Variants in DYNC1I1 observed in about 807,000 individuals in gnomAD.
DYNC1I1 encodes cytoplasmic dynein 1 intermediate chain 1.
A neutral mutation model predicts 86.6 loss-of-function variants in DYNC1I1; 43 were observed. The ratio of observed to expected loss-of-function variants is 0.50; its 90% CI spans 0.39 to 0.64. The LOEUF (loss-of-function observed/expected upper bound fraction) is 0.64. DYNC1I1 is among the 30% of genes least tolerant of loss of function. The pLI is 0.00. For synonymous variants in DYNC1I1, 262 were observed against 283.7 expected, an observed-to-expected ratio of 0.92 and a Z score of 0.77; for missense variants, 604 against 788.8, an observed-to-expected ratio of 0.77 and a Z score of 2.81.
At chr7:95,894,969 T>C (rs1165035980) in intron 6 of DYNC1I1, among the ~76,000 whole-genome samples, 1 of 152,220 alleles carries the variant, frequency 6.6e-6, no homozygotes, top group African/African-American at 2.4e-5. Flanking sequence ...GCCTTTTCTG[T>C]TGACCAATGC....
chr7:95,888,341 G>A (rs930052416), intron 6 of DYNC1I1, among the ~76,000 whole-genome samples: 4 of 152,172 alleles, frequency 2.6e-5, no homozygotes, highest in African/African-American at 7.2e-5. Flanking sequence ...GGAGGCTGAG[G>A]TGGGAGGATC....
intron 6 of DYNC1I1, among the ~76,000 whole-genome samples, chr7:95,885,951 A>T (rs1006312626): frequency 4.6e-5 from 7 of 152,232 alleles, no homozygotes; most frequent in Non-Finnish European, 1.0e-4. Context: ...CTCTCTGAAG[A>T]AAAAATAAAC....
intron 1 of DYNC1I1, among the ~76,000 whole-genome samples, chr7:95,792,596 G>A (rs901701743): frequency 6.6e-6 from 1 of 152,164 alleles, no homozygotes; most frequent in African/African-American, 2.4e-5. Context: ...AAGCATTCAG[G>A]TTTAACTGTT....
intron 16 of DYNC1I1, among the ~76,000 whole-genome samples, chr7:96,084,269 G>A (rs1035053436): frequency 4.7e-5 from 7 of 149,552 alleles, no homozygotes; most frequent in Middle Eastern, 3.5e-3. Context: ...CAAATTAGCC[G>A]GTCCTGTCAA....
intron 6 of DYNC1I1, among the ~76,000 whole-genome samples, chr7:95,976,933 C>A (rs1009890800): frequency 1.3e-5 from 2 of 152,172 alleles, no homozygotes; most frequent in African/African-American, 4.8e-5. Context: ...CACATTAATG[C>A]ATGAACTGCT....
At chr7:95,896,334 A>G (rs1172304513) in intron 6 of DYNC1I1, among the ~76,000 whole-genome samples, 1 of 152,176 alleles carries the variant, frequency 6.6e-6, no homozygotes, top group Non-Finnish European at 1.5e-5. Flanking sequence ...TCATGGCAAA[A>G]TATGAGGCAA....
At chr7:95,848,055 T>C (rs1283590669) in intron 5 of DYNC1I1, among the ~76,000 whole-genome samples, 1 of 152,176 alleles carries the variant, frequency 6.6e-6, no homozygotes, top group African/African-American at 2.4e-5. Context: ...TATATATGCA[T>C]TGTGGAGTAA....
chr7:95,925,452 A>G lies in DYNC1I1; in HGVS notation c.491-52060A>G, dbSNP rs1791718638. ...GTGTCAACTTACAGCTTAGTAATGG[A>G]CTAATACACATTATCCTGTATGCAA... On this transcript the variant is annotated intron_variant, in intron 6 of 16. Coordinates refer to ENST00000447467, the MANE Select transcript of DYNC1I1 (RefSeq NM_001135556.2). 3.3e-5 allele frequency among the ~76,000 whole-genome samples: 5 copies of G among 152,284 alleles called. No homozygotes were observed. In the South Asian group the frequency reaches 1.0e-3, roughly 32 times the overall value.
At chr7:96,014,346 C>T (rs984304368) in intron 10 of DYNC1I1, among the ~76,000 whole-genome samples, 3 of 152,140 alleles carry the variant, frequency 2.0e-5, no homozygotes, top group African/African-American at 7.2e-5. Flanking sequence ...TCGGTTTTTG[C>T]CCCTTCTCCC....
At chr7:95,954,673 G>A (rs1792656934) in intron 6 of DYNC1I1, among the ~76,000 whole-genome samples, 1 of 152,024 alleles carries the variant, frequency 6.6e-6, no homozygotes, top group African/African-American at 2.4e-5. Context: ...CAGGACTTTG[G>A]GAGTCTGAGG....
rs1563008721 is a variant in DYNC1I1, at chr7:96,109,954, C to A, written c.1543-25C>A. On this transcript the variant is annotated intron_variant, in intron 16 of 16. Coordinates refer to the DYNC1I1 transcript ENST00000537881. ...ATATATGTACTGATTTTCTGCCTAC[C>A]TTTTTTTTCTTTTTGTGGACACAGG... 4 of 286,084 alleles carry A rather than the reference C, an allele frequency of 1.4e-5. 1 individual carries two copies. The highest frequency in any genetic ancestry group is 1.3e-4 in the East Asian group (1 of 7,774). The allele number at this position is 286,084 out of a possible 1,614,324, so 17.7% of individuals were successfully genotyped here. A position where few individuals can be genotyped will look rare whatever the true frequency, so the allele number is the denominator to read the frequency against.
At chr7:95,936,211 A>C (rs767921920) in intron 6 of DYNC1I1, among the ~76,000 whole-genome samples, 2 of 152,040 alleles carry the variant, frequency 1.3e-5, no homozygotes, top group Non-Finnish European at 2.9e-5. Flanking sequence ...TGTCATATAA[A>C]ATAAAGAACT....
chr7:95,894,660 A>G (rs765142898), intron 6 of DYNC1I1, among the ~76,000 whole-genome samples: 41 of 152,240 alleles, frequency 2.7e-4, no homozygotes, highest in Admixed American at 5.9e-4. Flanking sequence ...TAATTAAAAT[A>G]GGAACCATTA....
At chr7:95,984,029 G>A (rs1354134727) in intron 7 of DYNC1I1, among the ~76,000 whole-genome samples, 1 of 152,090 alleles carries the variant, frequency 6.6e-6, no homozygotes, top group East Asian at 1.9e-4. Context: ...TTGAAGGAAT[G>A]GTTTATGTAA....
intron 15 of DYNC1I1, 60 bp downstream of exon 15, chr7:96,076,257 C>G: frequency 5.0e-6 from 8 of 1,590,858 alleles, no homozygotes; most frequent in Non-Finnish European, 6.9e-6. Flanking sequence ...GTCGGCCACT[C>G]GCAGTCTCTC....
intron 6 of DYNC1I1, among the ~76,000 whole-genome samples, chr7:95,909,693 T>C (rs1048680337): frequency 6.6e-6 from 1 of 152,170 alleles, no homozygotes; most frequent in Non-Finnish European, 1.5e-5. Flanking sequence ...AAAAATTGTA[T>C]TATTTTAATT....
At chr7:95,795,261 T>G (rs1185586052) in intron 1 of DYNC1I1, among the ~76,000 whole-genome samples, 4 of 145,788 alleles carry the variant, frequency 2.7e-5, no homozygotes, top group Non-Finnish European at 6.1e-5. Context: ...AAGCATTATT[T>G]AATGAAAGTG....
At chr7:95,782,678 C>T (rs538081303) in intron 1 of DYNC1I1, among the ~76,000 whole-genome samples, 1 of 152,336 alleles carries the variant, frequency 6.6e-6, no homozygotes, top group Non-Finnish European at 1.5e-5. Context: ...CCTTTTAACC[C>T]TGTCCTCTTG....
intron 14 of DYNC1I1, among the ~76,000 whole-genome samples, chr7:96,050,734 CT>C (rs935603950): frequency 5.0e-4 from 76 of 152,288 alleles, no homozygotes; most frequent in Admixed American, 2.0e-3. Context: ...GCTTTCTTGC[CT>C]GTTCCAGGGG....
Sources: allele counts gnomAD v4.1 joint callset (sites outside exome capture counted in the v4.1 genomes callset), GRCh38; gene constraint gnomAD v4.1.1; transcripts MANE v1.5; gene names NCBI Gene and HGNC (gene_info 2026-07-23, HGNC 2026-07-21).